Variants in SPIN1 observed in about 807,000 individuals in gnomAD.
The protein encoded by SPIN1 is spindlin 1, also known as spindlin-1.
A neutral mutation model predicts 26.0 loss-of-function variants in SPIN1; 3 were observed. The observed-to-expected ratio is 0.12, with a 90% CI of 0.05 to 0.30. The LOEUF is 0.30. Among genes scored for constraint, SPIN1 ranks in the 10% least tolerant of loss-of-function variants. SPIN1 has a pLI of 1.00. For missense variants in SPIN1, 126 were observed against 333.4 expected (o/e 0.38, Z 4.84); for synonymous variants, 101 against 116.5 (o/e 0.87, Z 0.86).
chr9:88,446,925 T>C (rs866881234), intron 2 of SPIN1, among the ~76,000 whole-genome samples: 1 of 152,236 alleles, frequency 6.6e-6, no homozygotes, highest in East Asian at 1.9e-4. Flanking sequence ...TGATCTTACT[T>C]TGGCTTTGTT....
At chr9:88,444,394 C>T (rs527927590) in intron 2 of SPIN1, among the ~76,000 whole-genome samples, 2 of 151,088 alleles carry the variant, frequency 1.3e-5, no homozygotes, top group East Asian at 4.0e-4. Context: ...GCACCTGCCA[C>T]TATGCCCGGC....
chr9:88,448,720 T>C (rs146346607), intron 2 of SPIN1, among the ~76,000 whole-genome samples: 3 of 152,298 alleles, frequency 2.0e-5, no homozygotes, highest in Admixed American at 2.0e-4. Context: ...TTTGAGGGGA[T>C]AGAGAACTGT....
chr9:88,400,619 G>A (rs1460171080), intron 1 of SPIN1, among the ~76,000 whole-genome samples: 1 of 152,200 alleles, frequency 6.6e-6, no homozygotes, highest in Non-Finnish European at 1.5e-5. Context: ...GCCAAGGCAG[G>A]AGGATCACCT....
chr9:88,438,302 T>C (rs1828049724), intron 2 of SPIN1, among the ~76,000 whole-genome samples: 1 of 152,344 alleles, frequency 6.6e-6, no homozygotes, highest in East Asian at 1.9e-4. Flanking sequence ...CAGTTTCTTC[T>C]TTGACCCATG....
At chr9:88,435,748 G>A (rs957948108) in intron 2 of SPIN1, among the ~76,000 whole-genome samples, 2 of 152,054 alleles carry the variant, frequency 1.3e-5, no homozygotes, top group Admixed American at 6.6e-5. Context: ...CTTCTGTTGT[G>A]TGGAGTCAGT....
intron 1 of SPIN1, among the ~76,000 whole-genome samples, chr9:88,405,891 AG>A (rs1827294210): frequency 6.6e-6 from 1 of 151,910 alleles, no homozygotes; most frequent in Admixed American, 6.6e-5. Context: ...GCTGGAGTGC[AG>A]TGGTGCCATC....
At chr9:88,428,742 A>G (rs1182271124) in intron 2 of SPIN1, among the ~76,000 whole-genome samples, 3 of 152,212 alleles carry the variant, frequency 2.0e-5, no homozygotes, top group Non-Finnish European at 2.9e-5. Context: ...GCATAGGCTT[A>G]AAGACAAAAT....
At chr9:88,394,396 T>C (rs980758738) in intron 1 of SPIN1, among the ~76,000 whole-genome samples, 5 of 152,228 alleles carry the variant, frequency 3.3e-5, no homozygotes, top group Non-Finnish European at 7.3e-5. Context: ...GGGTGTTATA[T>C]GTTCTTACTG....
chr9:88,405,481 C>T (rs1251766441), intron 1 of SPIN1, among the ~76,000 whole-genome samples: 1 of 151,668 alleles, frequency 6.6e-6, no homozygotes, highest in Non-Finnish European at 1.5e-5. Context: ...CCCACCTCGC[C>T]CTCCCAAAGT....
intron 2 of SPIN1, among the ~76,000 whole-genome samples, chr9:88,443,747 A>G (rs535173215): frequency 2.0e-5 from 3 of 152,312 alleles, no homozygotes; most frequent in Non-Finnish European, 4.4e-5. Context: ...TTGCCCGTCA[A>G]TCTTTTCATG....
chr9:88,389,919 C>T (rs1470667569), intron 1 of SPIN1, among the ~76,000 whole-genome samples: 1 of 151,900 alleles, frequency 6.6e-6, no homozygotes, highest in Non-Finnish European at 1.5e-5. Flanking sequence ...TTCCAACCTC[C>T]CCACTCTCCC....
At chr9:88,436,535 A>G (rs1564032194) in intron 2 of SPIN1, among the ~76,000 whole-genome samples, 1 of 152,122 alleles carries the variant, frequency 6.6e-6, no homozygotes, top group Non-Finnish European at 1.5e-5. Context: ...GTTTACATTA[A>G]GGTTCATTCT....
intron 4 of SPIN1, among the ~76,000 whole-genome samples, chr9:88,463,571 C>T (rs768680951): frequency 3.9e-5 from 6 of 152,076 alleles, no homozygotes; most frequent in East Asian, 1.9e-4. Context: ...TCAGTCTCCT[C>T]GCTTTGTTTT....
In SPIN1 at chr9:88,448,964, A is replaced by G. The variant is rs1325746125; in HGVS notation, c.76A>G (p.Met26Val). ...AGGCCATGCTGGAGTATCTGCCAAC[A>G]TGATGAAGAAGAGGACATCCCACAA... Reference protein sequence around the residue: ...DAGHAGVSANMMKKRTSHKKH... With the variant: ...DAGHAGVSANVMKKRTSHKKH... The change falls in exon 3 of 6, where the codon ATG becomes GTG. Residue 26 changes from methionine to valine, a missense_variant. Met to Val is a conservative substitution (Grantham distance 21, BLOSUM62 1). Transcript: ENST00000375859. The G allele has an allele frequency of 4.3e-6, 7 of 1,613,004 alleles. No homozygotes were observed. The highest frequency in any genetic ancestry group is 5.1e-6 in the Non-Finnish European group (6 of 1,179,810).
rs1451618255 is a variant in SPIN1 at position 88,476,152 on chromosome 9, A to T, written c.*875A>T. 6.6e-6 allele frequency: 1 copy of T among 152,036 alleles called. No homozygotes were observed. Among genetic ancestry groups the T allele is most frequent in the East Asian group, 1.9e-4 (1 of 5,178 alleles). 9.4% of individuals were successfully genotyped at this position (152,036 alleles called of 1,614,324 possible). On this transcript the variant is annotated 3_prime_UTR_variant, in exon 6 of 6. Coordinates refer to ENST00000375859, the MANE Select transcript of SPIN1 (RefSeq NM_006717.3). ...CCAGGTTCTTGTTCCACACAGTGTA[A>T]TGTAGGTGTATTTTGGACAGCACAT... is the stretch of plus-strand genomic sequence containing the variant.
At chr9:88,443,286 A>G (rs976336482) in intron 2 of SPIN1, among the ~76,000 whole-genome samples, 2 of 151,842 alleles carry the variant, frequency 1.3e-5, no homozygotes, top group Non-Finnish European at 2.9e-5. Context: ...CAGTTTTGGA[A>G]GTTTTATTAA....
Position 88,408,214 on chromosome 9 carries a change from C to G in SPIN1, c.-158-18168C>G, listed in dbSNP as rs977105831. 2.7e-4 allele frequency among the ~76,000 whole-genome samples: 41 copies of G among 151,346 alleles called. 1 individual carries two copies. Among genetic ancestry groups the G allele is most frequent in the Non-Finnish European group, 2.9e-5 (2 of 67,892 alleles). The stretch of plus-strand genomic sequence containing the variant: ...ATTGAACCCATGGTGGGATGTCTTT[C>G]ATTAGTTTCGAAAAGTTGACAGGCA... On this transcript the variant is annotated intron_variant, in intron 1 of 5. Transcript: ENST00000375859.
chr9:88,455,803 C>A (rs1481455978), intron 3 of SPIN1, among the ~76,000 whole-genome samples: 3 of 152,108 alleles, frequency 2.0e-5, no homozygotes, highest in Non-Finnish European at 2.9e-5. Context: ...CATAGTGAGA[C>A]CCTGTCTGTA....
intron 1 of SPIN1, among the ~76,000 whole-genome samples, chr9:88,401,746 CA>C (rs1262005209): frequency 6.6e-6 from 1 of 152,172 alleles, no homozygotes; most frequent in African/African-American, 2.4e-5. Flanking sequence ...AACTATATTA[CA>C]CAAAAAATGT....
Sources: allele counts gnomAD v4.1 joint callset (sites outside exome capture counted in the v4.1 genomes callset), GRCh38; gene constraint gnomAD v4.1.1; transcripts MANE v1.5; gene names NCBI Gene and HGNC (gene_info 2026-07-23, HGNC 2026-07-21).